Variants in TMEM233 observed in about 807,000 individuals in gnomAD.
TMEM233 encodes the protein dispanin subfamily B member 2.
Under a neutral mutation model 11.2 loss-of-function variants are expected in TMEM233, and 6 were observed. The observed-to-expected ratio is 0.54, with a 90% CI of 0.29 to 1.06. The LOEUF (loss-of-function observed/expected upper bound fraction) is 1.06, where lower values mean the gene tolerates loss of function less well. TMEM233 is among the 50% of genes least tolerant of loss of function. The pLI is 0.08. For synonymous variants in TMEM233, 59 were observed against 55.8 expected, an observed-to-expected ratio of 1.06 and a Z score of -0.26; for missense variants, 127 against 144.7, an observed-to-expected ratio of 0.88 and a Z score of 0.63.
At chr12:119,617,399 CT>C (rs565318552) in intron 1 of TMEM233, among the ~76,000 whole-genome samples, 13 of 152,260 alleles carry the variant, frequency 8.5e-5, no homozygotes, top group African/African-American at 3.1e-4. Context: ...CATTTTGCCC[CT>C]GCCCCAGAGA....
chr12:119,623,944 G>T (rs1040448186), intron 1 of TMEM233, among the ~76,000 whole-genome samples: 1 of 151,988 alleles, frequency 6.6e-6, no homozygotes, highest in African/African-American at 2.4e-5. Flanking sequence ...CAAGCCCATG[G>T]TCTATTACAT....
intron 2 of TMEM233, among the ~76,000 whole-genome samples, chr12:119,630,308 A>T (rs1183656045): frequency 2.0e-5 from 3 of 152,228 alleles, no homozygotes; most frequent in Non-Finnish European, 4.4e-5. Context: ...TGGATCATAT[A>T]GGTCAGTGGA....
In TMEM233 at chr12:119,629,817, A is replaced by G. The variant is rs1193031621; in HGVS notation, c.268A>G (p.Ile90Val). ...TGCTAAGTGGGTAGCCATCGCCTCC[A>G]TCATCATTGGCCTTCTCATCATCGG... ...RNAKWVAIAS[I>V]IIGLLIIGIS... The change falls in exon 2 of 3, where the codon ATC (isoleucine) becomes GTC (valine). Residue 90 changes from isoleucine (I) to valine (V), a missense_variant. Coordinates refer to ENST00000426426, the MANE Select transcript of TMEM233 (RefSeq NM_001136534.3). 3.2e-6 allele frequency: 5 copies of G among 1,551,692 alleles called. No homozygotes were observed. The highest frequency in any genetic ancestry group is 4.4e-6 in the Non-Finnish European group (5 of 1,146,978).
intron 1 of TMEM233, among the ~76,000 whole-genome samples, chr12:119,617,012 T>A (rs1039039799): frequency 2.6e-5 from 4 of 152,236 alleles, no homozygotes; most frequent in African/African-American, 9.6e-5. Context: ...CTCAGGTATG[T>A]CTTTATTAAC....
At chr12:119,646,367 C>G (rs938386916), downstream of TMEM233, among the ~76,000 whole-genome samples, 2 of 152,296 alleles carry the variant, frequency 1.3e-5, no homozygotes, top group African/African-American at 2.4e-5. Flanking sequence ...CCTACAGTAG[C>G]TTTCTTACAG....
chr12:119,607,928 G>C (rs1954316894), intron 1 of TMEM233, among the ~76,000 whole-genome samples: 1 of 152,154 alleles, frequency 6.6e-6, no homozygotes, highest in Admixed American at 6.5e-5. Flanking sequence ...GGTGATTCTT[G>C]CTCTAAATCA....
chr12:119,618,094 T>C (rs1324703134), intron 1 of TMEM233, among the ~76,000 whole-genome samples: 1 of 152,214 alleles, frequency 6.6e-6, no homozygotes, highest in Non-Finnish European at 1.5e-5. Context: ...CAACTGTGGC[T>C]AAAAGGAGCC....
intron 2 of TMEM233, chr12:119,631,093 C>T (rs1954871840): frequency 1.3e-5 from 2 of 152,176 alleles, no homozygotes; most frequent in African/African-American, 4.8e-5. Context: ...GCAACTCAGA[C>T]CCAGAAATGA....
At chr12:119,626,598 A>AGAG (rs751914805) in intron 1 of TMEM233, among the ~76,000 whole-genome samples, 4 of 144,032 alleles carry the variant, frequency 2.8e-5, no homozygotes, top group South Asian at 2.2e-4. Context: ...AGAGAAGAGA[A>AGAG]AAAAGAAAAG....
the TMEM233 span, among the ~76,000 whole-genome samples, chr12:119,652,591 G>A: frequency 6.6e-6 from 1 of 152,136 alleles, no homozygotes; most frequent in Non-Finnish European, 1.5e-5. Flanking sequence ...AGAATCACAG[G>A]TTAGAGTTTG....
At chr12:119,644,478 CTTTTT>C, downstream of TMEM233, among the ~76,000 whole-genome samples, 1 of 126,978 alleles carries the variant, frequency 7.9e-6, no homozygotes, top group African/African-American at 2.8e-5. Flanking sequence ...TTTTTCTTTT[CTTTTT>C]TTTTTTTTTT....
At position 119,604,993 on chromosome 12, in the gene TMEM233, A is replaced by ACT. The variant is rs1414509847; in HGVS notation, c.186+10960_186+10961dup. Among the ~76,000 whole-genome samples, 34 of 98,654 alleles carry ACT rather than the reference A, an allele frequency of 3.4e-4. 2 individuals are homozygous for ACT. The highest frequency in any genetic ancestry group is 4.9e-4 in the African/African-American group (11 of 22,268). The allele number at this position is 98,654 out of a possible 152,430, so 64.7% of individuals were successfully genotyped here. A position where few individuals can be genotyped will look rare whatever the true frequency, so the allele number is the denominator to read the frequency against. ...CTTTTGCTAATTTCCTTCTTCCCTC[A>ACT]CTATCTTTTTTTTTTTTTTGCCACG... On this transcript the variant is annotated intron_variant, in intron 1 of 2. Transcript: ENST00000426426.
In TMEM233 at chr12:119,640,995, G is replaced by A. The variant is rs1349156821; in HGVS notation, c.*290G>A. On this transcript the variant is annotated 3_prime_UTR_variant, in exon 3 of 3. Transcript: ENST00000426426. The stretch of plus-strand genomic sequence containing the variant: ...TCACTGTCTCAGTTTAGCGAATCCC[G>A]TTGTGTCCACTCCTGTCCTCCAGAG... 2.7e-5 allele frequency: 11 copies of A among 410,244 alleles called. No homozygotes were observed. The highest frequency in any genetic ancestry group is 1.0e-4 in the African/African-American group (5 of 49,760). The allele number at this position is 410,244 out of a possible 1,614,324, so 25.4% of individuals were successfully genotyped here.
chr12:119,633,196 G>C (rs1954918708), intron 2 of TMEM233, among the ~76,000 whole-genome samples: 1 of 152,172 alleles, frequency 6.6e-6, no homozygotes, highest in Admixed American at 6.5e-5. Flanking sequence ...TAAACTCTCT[G>C]TGCCTCAATT....
chr12:119,621,044 CT>C (rs3078447), intron 1 of TMEM233, among the ~76,000 whole-genome samples: 9,535 of 120,310 alleles, frequency 0.079, 366 homozygotes, highest in African/African-American at 0.12. Context: ...CCATACCTGG[CT>C]TTTTTTTTTT....
chr12:119,614,035 G>A (rs1370954564), intron 1 of TMEM233, among the ~76,000 whole-genome samples: 4 of 152,016 alleles, frequency 2.6e-5, no homozygotes, highest in Non-Finnish European at 5.9e-5. Flanking sequence ...ACTCCTGCAG[G>A]GTTGGGAAGG....
chr12:119,644,059 A>G (rs1365758818), downstream of TMEM233, among the ~76,000 whole-genome samples: 1 of 152,192 alleles, frequency 6.6e-6, no homozygotes, highest in Non-Finnish European at 1.5e-5. Flanking sequence ...CTTCCCTAAT[A>G]GCTCCAGGGG....
intron 1 of TMEM233, among the ~76,000 whole-genome samples, chr12:119,608,465 A>T (rs1247730594): frequency 6.6e-6 from 1 of 152,224 alleles, no homozygotes; most frequent in African/African-American, 2.4e-5. Context: ...GCTCACTTTC[A>T]ATGAGAAGGA....
At chr12:119,633,406 C>A (rs1954922522) in intron 2 of TMEM233, among the ~76,000 whole-genome samples, 1 of 151,902 alleles carries the variant, frequency 6.6e-6, no homozygotes, top group Admixed American at 6.6e-5. Context: ...CATAGCTAGA[C>A]CCCATCTCTA....
Sources: allele counts gnomAD v4.1 joint callset (sites outside exome capture counted in the v4.1 genomes callset), GRCh38; gene constraint gnomAD v4.1.1; transcripts MANE v1.5; gene names NCBI Gene and HGNC (gene_info 2026-07-23, HGNC 2026-07-21).